The following MEGF8 variants were observed in gnomAD, a reference collection of about 807,000 sequenced individuals.
MEGF8 encodes multiple EGF like domains 8.
In MEGF8, 156 loss-of-function variants were observed where a neutral mutation model predicts 302.9. The ratio of observed to expected loss-of-function variants is 0.52; its 90% CI spans 0.45 to 0.59. The LOEUF is 0.59. MEGF8 is among the 20% of genes least tolerant of loss of function. The probability of loss-of-function intolerance (pLI) is 0.00; values close to 1 mark genes in which losing one functional copy is unlikely to be tolerated. For missense variants in MEGF8, 3,345 were observed against 3,964.5 expected (o/e 0.84, Z 4.20); for synonymous variants, 1,621 against 1,660.5 (o/e 0.98, Z 0.58).
chr19:42,351,193 T>A lies in MEGF8; in HGVS notation c.2737-23T>A. On this transcript the variant is annotated intron_variant, in intron 15 of 41. Coordinates refer to ENST00000251268, the MANE Select transcript of MEGF8 (RefSeq NM_001271938.2). This position sits in a 1 kb window ranked among gnomAD's most constrained non-coding sequence, Gnocchi z 5.6. ...GGAAAGGGCTGAGTGGGGTTCTGAC[T>A]CCTCTGCCCAACTGACCCCCAGGAC... is the stretch of plus-strand genomic sequence containing the variant. 1 of 1,545,308 alleles carries A rather than the reference T, an allele frequency of 6.5e-7. No individual in the cohort carries two copies.
At position 42,336,676 on chromosome 19, in the gene MEGF8, C is replaced by A; in HGVS notation, c.1245-131C>A. 2 of 1,364,072 alleles carry A rather than the reference C, an allele frequency of 1.5e-6. No homozygotes were observed. The highest frequency in any genetic ancestry group is 2.0e-6 in the Non-Finnish European group (2 of 1,014,764). The allele number at this position is 1,364,072 out of a possible 1,614,324, so 84.5% of individuals were successfully genotyped here. On this transcript the variant is annotated intron_variant, in intron 6 of 41. Coordinates refer to ENST00000251268, the MANE Select transcript of MEGF8 (RefSeq NM_001271938.2). This position sits in a 1 kb window ranked among gnomAD's most constrained non-coding sequence, Gnocchi z 4.8. ...TCAGGGTCCTGCCCACAGGGAACTT[C>A]TAGTTTGGAGGGGACATAGAGTCAG...
At chr19:42,333,178 T>C (rs1219999709) in intron 1 of MEGF8, among the ~76,000 whole-genome samples, 1 of 152,160 alleles carries the variant, frequency 6.6e-6, no homozygotes, top group Non-Finnish European at 1.5e-5. Flanking sequence ...ACGGAGGTGC[T>C]CTTCTCACTG....
At position 42,349,524 on chromosome 19, in the gene MEGF8, A is replaced by G. The variant is rs1352538245; in HGVS notation, c.2324A>G (p.His775Arg). ...NMEEVGRWVA[H>R]QEKETRRLQR... ...GAGGAGGTGGGGCGCTGGGTGGCTC[A>G]TCAGGAGAAGGAGACGCGGCGGCTG... The change falls in exon 14 of 42, where the codon CAT (histidine) becomes CGT (arginine). Residue 775 changes from histidine (H) to arginine (R), a missense_variant. His to Arg is a conservative substitution (Grantham distance 29). Coordinates refer to ENST00000251268, the MANE Select transcript of MEGF8 (RefSeq NM_001271938.2). The G allele has an allele frequency of 1.1e-5, 18 of 1,612,206 alleles. No homozygotes were observed. Among genetic ancestry groups the G allele is most frequent in the Non-Finnish European group, 1.5e-5 (18 of 1,179,776 alleles).
Position 42,369,649 on chromosome 19 carries a change from C to T in MEGF8, c.6760C>T (p.Arg2254Cys), listed in dbSNP as rs750817882. The change falls in exon 38 of 42, where the codon CGC becomes TGC. Residue 2254 changes from arginine to cysteine, a missense_variant. Arg to Cys is a radical substitution (Grantham distance 180). Transcript: ENST00000251268. The surrounding 1 kb of genome is among the most constrained non-coding windows in gnomAD (Gnocchi z 5.7). ...FVGRNCSTEC[R>C]CNRHSECAGV... ...GGGCCGCAACTGCTCCACGGAATGC[C>T]GCTGCAACCGCCACAGTGAATGCGC... is the stretch of plus-strand genomic sequence containing the variant. 6.2e-6 allele frequency: 10 copies of T among 1,609,134 alleles called. No homozygotes were observed. The highest frequency in any genetic ancestry group is 8.5e-6 in the Non-Finnish European group (10 of 1,177,238).
In MEGF8 at chr19:42,352,417, G is replaced by A. The variant is rs1460568797; in HGVS notation, c.3311G>A (p.Arg1104Gln). 4.4e-6 allele frequency: 7 copies of A among 1,598,612 alleles called. No homozygotes were observed. In the Admixed American group the frequency reaches 5.2e-5, roughly 12 times the overall value. ...TPLSYECHCQ[R>Q]GYQGDGISHC... ...CTCAGCTACGAGTGTCACTGCCAGC[G>A]GGGCTACCAGGGTGATGGCATCTCA... The change falls in exon 19 of 42, where the codon CGG becomes CAG. Residue 1104 changes from arginine to glutamine, a missense_variant. Arg to Gln is a conservative substitution (Grantham distance 43). Coordinates refer to ENST00000251268, the MANE Select transcript of MEGF8 (RefSeq NM_001271938.2). The surrounding 1 kb of genome is among the most constrained non-coding windows in gnomAD (Gnocchi z 4.4).
chr19:42,368,400 G>T lies in MEGF8; in HGVS notation c.6274-55G>T. 6.9e-7 allele frequency: 1 copy of T among 1,440,262 alleles called. No homozygotes were observed. 89.2% of individuals were successfully genotyped at this position (1,440,262 alleles called of 1,614,324 possible). A position where few individuals can be genotyped will look rare whatever the true frequency, so the allele number is the denominator to read the frequency against. On this transcript the variant is annotated intron_variant, in intron 35 of 41. Coordinates refer to ENST00000251268, the MANE Select transcript of MEGF8 (RefSeq NM_001271938.2). This position sits in a 1 kb window ranked among gnomAD's most constrained non-coding sequence, Gnocchi z 4.9. ...AGATACCCAGAATGTGTTTGTTTAA[G>T]CTTATTTCCCCATCTCTCTCTTCCC...
chr19:42,355,773 A>C lies in MEGF8; in HGVS notation c.4160A>C (p.His1387Pro). Residue 1387 changes from histidine (H) to proline (P), a missense_variant, in exon 24 of 42, where the codon CAC (histidine) becomes CCC (proline). Coordinates refer to ENST00000251268, the MANE Select transcript of MEGF8 (RefSeq NM_001271938.2). The part of the protein sequence containing the change: ...VQALSGLLVL[H>P]WEANGSSSWG... Reference sequence around the variant, plus strand: ...CTCTTCACAGGGCTGCTCGTGCTGCACTGGGAGGCCAATGGCTCCTCATCC... The same window carrying C: ...CTCTTCACAGGGCTGCTCGTGCTGCCCTGGGAGGCCAATGGCTCCTCATCC... The C allele has an allele frequency of 6.3e-7, 1 of 1,582,078 alleles. No individual in the cohort carries two copies. Among genetic ancestry groups the C allele is most frequent in the Non-Finnish European group, 8.6e-7 (1 of 1,163,222 alleles).
chr19:42,371,322 G>T, intron 40 of MEGF8, 28 bp from the exon 41 acceptor site: 1 of 1,611,996 alleles, frequency 6.2e-7, no homozygotes, highest in Non-Finnish European at 8.5e-7. Context: ...GGCCATGGGG[G>T]CTCCGTAACC....
chr19:42,349,390 C>T lies in MEGF8; in HGVS notation c.2299-109C>T, dbSNP rs1284138974. The T allele has an allele frequency of 7.3e-6, 7 of 960,772 alleles. 1 individual carries two copies. Among genetic ancestry groups the T allele is most frequent in the Non-Finnish European group, 7.6e-6 (5 of 659,094 alleles). The allele number at this position is 960,772 out of a possible 1,614,324, so 59.5% of individuals were successfully genotyped here. A position where few individuals can be genotyped will look rare whatever the true frequency, so the allele number is the denominator to read the frequency against. On this transcript the variant is annotated intron_variant, in intron 13 of 41. Transcript: ENST00000251268. ...TCAGGATCTAAGGAGCTCTGAGGCC[C>T]TCTTCTTAGGAGGGGGTGGGGTACA... is the stretch of plus-strand genomic sequence containing the variant.
In MEGF8 at chr19:42,349,485, C is replaced by T. The variant is rs374927883; in HGVS notation, c.2299-14C>T. The T allele has an allele frequency of 2.2e-5, 36 of 1,607,054 alleles. No individual in the cohort carries two copies. Among genetic ancestry groups the T allele is most frequent in the Middle Eastern group, 4.2e-4 (2 of 4,812 alleles). On this transcript the variant is annotated splice_polypyrimidine_tract_variant and intron_variant, in intron 13 of 41. Coordinates refer to ENST00000251268, the MANE Select transcript of MEGF8 (RefSeq NM_001271938.2). ...GGTTCTGAGGCCCCTGCCTATCACT[C>T]ACACCTACCCCAGGAGGAGGTGGGG...
rs1206036 is a variant in MEGF8, at chr19:42,336,734, G to A, written c.1245-73G>A. The A allele has an allele frequency of 2.2e-3, 3,255 of 1,512,018 alleles. 67 individuals are homozygous for A. In the African/African-American group the frequency reaches 0.041, roughly 19 times the overall value. 93.7% of individuals were successfully genotyped at this position (1,512,018 alleles called of 1,614,324 possible). On this transcript the variant is annotated intron_variant, in intron 6 of 41. Coordinates refer to ENST00000251268, the MANE Select transcript of MEGF8 (RefSeq NM_001271938.2). This position sits in a 1 kb window ranked among gnomAD's most constrained non-coding sequence, Gnocchi z 4.8. ...CAGTCTCATCCCTGGGTGATCACAT[G>A]GCTCCTAAGAGCCTGGAGGAGGGAG...
Position 42,353,319 on chromosome 19 carries a change from C to T in MEGF8, c.3551-146C>T, listed in dbSNP as rs1197570639. 13 of 1,097,434 alleles carry T rather than the reference C, an allele frequency of 1.2e-5. No homozygotes were observed. The highest frequency in any genetic ancestry group is 4.8e-5 in the African/African-American group (3 of 63,058). The allele number at this position is 1,097,434 out of a possible 1,614,324, so 68.0% of individuals were successfully genotyped here. ...CTCTGGTTGGGCTTCAGTTCCCCCTCTTGGGACTTGCTGTTTCCCCTGATC... is the reference window on the plus strand; with the variant it reads ...CTCTGGTTGGGCTTCAGTTCCCCCTTTTGGGACTTGCTGTTTCCCCTGATC... On this transcript the variant is annotated intron_variant, in intron 20 of 41. Coordinates refer to ENST00000251268, the MANE Select transcript of MEGF8 (RefSeq NM_001271938.2). This position sits in a 1 kb window ranked among gnomAD's most constrained non-coding sequence, Gnocchi z 6.1.
rs966788814 is a variant in MEGF8 at position 42,350,563 on chromosome 19, G to C, written c.2736+179G>C. Among the ~76,000 whole-genome samples the C allele has an allele frequency of 1.3e-5, 2 of 152,186 alleles. 1 individual carries two copies. The highest frequency in any genetic ancestry group is 4.8e-5 in the African/African-American group (2 of 41,448). On this transcript the variant is annotated intron_variant, in intron 15 of 41. Transcript: ENST00000251268. ...GTAGAGAGAGGCACCTGGGGAGTCA[G>C]GACTCTCCCTGTTGTAGGGGCCAGA...
At chr19:42,345,575 G>A (rs767142171) in intron 12 of MEGF8, among the ~76,000 whole-genome samples, 3 of 152,286 alleles carry the variant, frequency 2.0e-5, no homozygotes, top group South Asian at 2.1e-4. Context: ...TTCACTCAGC[G>A]TAATGTTTTC....
In MEGF8 at chr19:42,362,175, G is replaced by T; in HGVS notation, c.5806G>T (p.Ala1936Ser). ...RRLRTCSECL[A>S]RHPRTLQPGD... ...TCTCCGGACCTGCAGTGAGTGCCTG[G>T]CCCGCCATCCTCGGACCCTGCAACC... The change falls in exon 33 of 42, where the codon GCC becomes TCC. Residue 1936 changes from alanine (A) to serine (S), a missense_variant. By Grantham distance (99) the Ala-to-Ser change is moderately conservative. Coordinates refer to ENST00000251268, the MANE Select transcript of MEGF8 (RefSeq NM_001271938.2). 6.2e-7 allele frequency: 1 copy of T among 1,610,568 alleles called. No individual in the cohort carries two copies. Among genetic ancestry groups the T allele is most frequent in the Non-Finnish European group, 8.5e-7 (1 of 1,178,928 alleles).
chr19:42,376,428 T>A lies in MEGF8; in HGVS notation c.8191T>A (p.Phe2731Ile). ...TCCCGCCTTCCGCCGCTCTGAGCCC[T>A]TCCTGGCACCCCTGCTGCTGACAGG... ...PPPAFRRSEP[F>I]LAPLLLTGAG... Residue 2731 changes from phenylalanine to isoleucine, a missense_variant, in exon 42 of 42, where the codon TTC (phenylalanine) becomes ATC (isoleucine). By Grantham distance (21) the Phe-to-Ile change is conservative (BLOSUM62 0). Coordinates refer to ENST00000251268, the MANE Select transcript of MEGF8 (RefSeq NM_001271938.2). This position sits in a 1 kb window ranked among gnomAD's most constrained non-coding sequence, Gnocchi z 8.2. 6.2e-7 allele frequency: 1 copy of A among 1,612,280 alleles called. No homozygotes were observed. The highest frequency in any genetic ancestry group is 8.5e-7 in the Non-Finnish European group (1 of 1,179,518).
chr19:42,343,270 C>T (rs1455407651), intron 8 of MEGF8, among the ~76,000 whole-genome samples: 1 of 152,002 alleles, frequency 6.6e-6, no homozygotes, highest in Non-Finnish European at 1.5e-5. Context: ...TCTTTCTGAC[C>T]CTAAAGATCA....
At chr19:42,366,143 A>C (rs1420711312) in intron 35 of MEGF8, among the ~76,000 whole-genome samples, 1 of 152,224 alleles carries the variant, frequency 6.6e-6, no homozygotes. Flanking sequence ...ATAGGCGTGC[A>C]GGTGATACCT....
chr19:42,370,820 G>A lies in MEGF8; in HGVS notation c.7125G>A (p.Gly2375=). Reference sequence around the variant, plus strand: ...TGCAGGGCTACTTCCTCCTGGACGGGAAGTGCACCAAGTAAGAGGAACCGG... The same window carrying A: ...TGCAGGGCTACTTCCTCCTGGACGGAAAGTGCACCAAGTAAGAGGAACCGG... ...SCLQGYFLLD[G]KCTKCQCNGH... Residue 2375 remains glycine (G), a synonymous_variant, in exon 40 of 42, where the codon GGG becomes GGA. Transcript: ENST00000251268. 1.3e-6 allele frequency: 1 copy of A among 781,418 alleles called. No individual in the cohort carries two copies. The highest frequency in any genetic ancestry group is 1.4e-5 in the South Asian group (1 of 69,510). The allele number at this position is 781,418 out of a possible 1,614,324, so 48.4% of individuals were successfully genotyped here.
Sources: allele counts gnomAD v4.1 joint callset (sites outside exome capture counted in the v4.1 genomes callset), GRCh38; gene constraint gnomAD v4.1.1; non-coding constraint Gnocchi (gnomAD v3.1); transcripts MANE v1.5; gene names NCBI Gene and HGNC (gene_info 2026-07-23, HGNC 2026-07-21).